UBL3: variants seen among roughly 807,000 people sequenced by gnomAD.
UBL3 encodes the protein ubiquitin like 3.
Under a neutral mutation model 18.4 loss-of-function variants are expected in UBL3, and 6 were observed. The observed-to-expected ratio is 0.33, with a 90% CI of 0.18 to 0.64. UBL3 has a LOEUF of 0.64. Ranked by LOEUF, UBL3 falls within the 30% of genes least tolerant of loss-of-function variation. UBL3 has a pLI of 0.76. For missense variants in UBL3, 109 were observed against 142.9 expected, an observed-to-expected ratio of 0.76 and a Z score of 1.21; for synonymous variants, 49 against 46.6, an observed-to-expected ratio of 1.05 and a Z score of -0.21.
chr13:29,826,174 T>C (rs1878614055), intron 1 of UBL3, among the ~76,000 whole-genome samples: 1 of 152,220 alleles, frequency 6.6e-6, no homozygotes, highest in African/African-American at 2.4e-5. Context: ...TGTTGTGTAC[T>C]CTGCCGGACT....
chr13:29,827,659 G>A (rs918394955), intron 1 of UBL3, among the ~76,000 whole-genome samples: 1 of 152,120 alleles, frequency 6.6e-6, no homozygotes, highest in Non-Finnish European at 1.5e-5. Context: ...TCTTTTAATT[G>A]GAGCATTTAG....
chr13:29,806,764 T>A (rs1169734977), intron 1 of UBL3, among the ~76,000 whole-genome samples: 1 of 152,214 alleles, frequency 6.6e-6, no homozygotes, highest in Admixed American at 6.5e-5. Context: ...AGGGATATTA[T>A]AATGGCCATG....
At chr13:29,827,508 A>AT (rs1010983601) in intron 1 of UBL3, among the ~76,000 whole-genome samples, 29 of 152,038 alleles carry the variant, frequency 1.9e-4, no homozygotes, top group Admixed American at 1.3e-3. Flanking sequence ...CAACCCCTGC[A>AT]TTTTTTTGTT....
At chr13:29,848,182 G>A (rs1308334104) in intron 1 of UBL3, among the ~76,000 whole-genome samples, 1 of 149,470 alleles carries the variant, frequency 6.7e-6, no homozygotes, top group Non-Finnish European at 1.5e-5. Context: ...AGTGGCTCAC[G>A]CCTGTAATCC....
Position 29,849,811 on chromosome 13 carries a change from G to T in UBL3, c.-273C>A. 1.8e-6 allele frequency: 1 copy of T among 569,732 alleles called. No homozygotes were observed. The highest frequency in any genetic ancestry group is 3.1e-6 in the Non-Finnish European group (1 of 320,932). 35.3% of individuals were successfully genotyped at this position (569,732 alleles called of 1,614,324 possible). On this transcript the variant is annotated 5_prime_UTR_variant, in exon 1 of 5. The change creates a new upstream start codon in the 5' untranslated region. Transcript: ENST00000380680. Reference sequence around the variant, plus strand: ...GTCGTCGTCGTCGTCGTCAACAGCAGCAGCAGCCCCAGGACCGGCCGCGCC... The same window carrying T: ...GTCGTCGTCGTCGTCGTCAACAGCATCAGCAGCCCCAGGACCGGCCGCGCC...
intron 1 of UBL3, among the ~76,000 whole-genome samples, chr13:29,837,861 C>T (rs1004108890): frequency 1.5e-4 from 22 of 150,952 alleles, no homozygotes; most frequent in Admixed American, 1.1e-3. Context: ...ACCCAGGAGG[C>T]GGAGGTTGCA....
intron 1 of UBL3, among the ~76,000 whole-genome samples, chr13:29,810,783 G>A (rs1327393923): frequency 3.3e-5 from 5 of 152,068 alleles, no homozygotes; most frequent in Non-Finnish European, 7.4e-5. Flanking sequence ...AGCTATGATT[G>A]GAAACCAGCA....
chr13:29,801,028 C>T (rs921340122), intron 1 of UBL3, among the ~76,000 whole-genome samples: 2 of 152,182 alleles, frequency 1.3e-5, no homozygotes, highest in Non-Finnish European at 2.9e-5. Context: ...TCCACCCTGC[C>T]CCTACCCGAA....
chr13:29,846,662 T>C (rs990797627), intron 1 of UBL3, among the ~76,000 whole-genome samples: 2 of 152,114 alleles, frequency 1.3e-5, no homozygotes, highest in African/African-American at 2.4e-5. Context: ...GAATAAATTA[T>C]CTCTATTGGA....
rs113332025 is a variant in UBL3, at chr13:29,777,172, T to C, written c.119A>G (p.Tyr40Cys). ...TCACTCACCCATTGGCCAATTGTCATATACATGCTTTGCAATGTCAGAAGC... is the reference window on the plus strand; with the variant it reads ...TCACTCACCCATTGGCCAATTGTCACATACATGCTTTGCAATGTCAGAAGC... Reference protein sequence around the residue: ...DSASDIAKHVYDNWPMDWEEE... With the variant: ...DSASDIAKHVCDNWPMDWEEE... Residue 40 changes from tyrosine to cysteine, a missense_variant, in exon 2 of 5, where the codon TAT (tyrosine) becomes TGT (cysteine). Transcript: ENST00000380680. The C allele has an allele frequency of 2.5e-6, 4 of 1,604,824 alleles. No homozygotes were observed. The highest frequency in any genetic ancestry group is 2.7e-5 in the African/African-American group (2 of 74,730).
chr13:29,828,366 C>G (rs1878679647), intron 1 of UBL3, among the ~76,000 whole-genome samples: 1 of 152,130 alleles, frequency 6.6e-6, no homozygotes, highest in African/African-American at 2.4e-5. Flanking sequence ...TTCTTGGAGG[C>G]TTTGTTCGTT....
chr13:29,826,239 T>C (rs1325760695), intron 1 of UBL3, among the ~76,000 whole-genome samples: 3 of 152,244 alleles, frequency 2.0e-5, no homozygotes, highest in African/African-American at 7.2e-5. Flanking sequence ...ATTCCCTCTT[T>C]TTCTATTGAT....
In UBL3 at chr13:29,813,144, A is replaced by C. The variant is rs140760474; in HGVS notation, c.28-35881T>G. Among the ~76,000 whole-genome samples, 51 of 152,096 alleles carry C rather than the reference A, an allele frequency of 3.4e-4. No homozygotes were observed. In the East Asian group the frequency reaches 8.1e-3, roughly 24 times the overall value. On this transcript the variant is annotated intron_variant, in intron 1 of 4. Transcript: ENST00000380680. ...TCTCAGACTTCAGTGTCAGGAAAAA[A>C]ATTTCTTTTCCTAAGCAATTGCTAT...
chr13:29,784,194 T>C (rs1209065595), intron 1 of UBL3, among the ~76,000 whole-genome samples: 2 of 152,162 alleles, frequency 1.3e-5, no homozygotes, highest in African/African-American at 2.4e-5. Flanking sequence ...TAAAATAATA[T>C]GTTTTTAGTT....
At chr13:29,788,870 T>TGTGTGTGTGCGCGCGC (rs1180662351) in intron 1 of UBL3, among the ~76,000 whole-genome samples, 3 of 20,882 alleles carry the variant, frequency 1.4e-4, no homozygotes, top group Admixed American at 1.3e-3. Context: ...TGTGTGTGTG[T>TGTGTGTGTGCGCGCGC]GCGCGCGCGC....
At chr13:29,843,726 G>A (rs1447862917) in intron 1 of UBL3, among the ~76,000 whole-genome samples, 1 of 152,164 alleles carries the variant, frequency 6.6e-6, no homozygotes, top group East Asian at 1.9e-4. Context: ...AAAATTCATT[G>A]TAAGGAAGAT....
intron 1 of UBL3, among the ~76,000 whole-genome samples, chr13:29,804,236 A>G (rs1877844901): frequency 6.6e-6 from 1 of 152,154 alleles, no homozygotes; most frequent in Non-Finnish European, 1.5e-5. Context: ...AAACAATAAA[A>G]TTAAGGCAGA....
At chr13:29,823,863 C>G (rs1448718074) in intron 1 of UBL3, among the ~76,000 whole-genome samples, 2 of 147,054 alleles carry the variant, frequency 1.4e-5, no homozygotes, top group African/African-American at 2.5e-5. Context: ...CCCCCTCCCC[C>G]CATCCAACCA....
chr13:29,798,806 A>C (rs1469648156), intron 1 of UBL3, among the ~76,000 whole-genome samples: 1 of 152,246 alleles, frequency 6.6e-6, no homozygotes, highest in Non-Finnish European at 1.5e-5. Context: ...TACTCATCAA[A>C]CGTTATAATT....
Sources: gnomAD v4.1 joint callset for allele counts (sites outside exome capture counted in the v4.1 genomes callset) on GRCh38, gnomAD v4.1.1 for gene constraint, MANE v1.5 for transcripts, NCBI Gene and HGNC (gene_info 2026-07-23, HGNC 2026-07-21) for gene names.